Variants in CHERP observed in about 807,000 individuals in gnomAD.
CHERP encodes the protein calcium homeostasis endoplasmic reticulum protein.
A neutral mutation model predicts 113.8 loss-of-function variants in CHERP; 8 were observed. The ratio of observed to expected loss-of-function variants is 0.07; its 90% CI spans 0.04 to 0.13. The LOEUF is 0.13. CHERP is among the 10% of genes least tolerant of loss of function. The pLI is 1.00. For missense variants in CHERP, 884 were observed against 1,298.2 expected (o/e 0.68, Z 4.90); for synonymous variants, 559 against 524.5 (o/e 1.07, Z -0.90).
chr19:16,522,502 G>A (rs1464667585), intron 11 of CHERP, among the ~76,000 whole-genome samples: 6 of 152,044 alleles, frequency 3.9e-5, no homozygotes, highest in African/African-American at 1.4e-4. Flanking sequence ...CTCGTGATCC[G>A]CCCGCCTCGG....
At chr19:16,540,517 TG>T (rs1299907320) in intron 2 of CHERP, among the ~76,000 whole-genome samples, 1 of 148,146 alleles carries the variant, frequency 6.8e-6, no homozygotes, top group African/African-American at 2.5e-5. Context: ...GGACTACAGG[TG>T]TGTGCCACCA....
chr19:16,539,037 T>G (rs1027396182), intron 2 of CHERP, among the ~76,000 whole-genome samples: 4 of 151,748 alleles, frequency 2.6e-5, no homozygotes, highest in African/African-American at 9.7e-5. Flanking sequence ...CAGGCCTCAC[T>G]GCTCCCCAGG....
In CHERP at chr19:16,523,408, C is replaced by A. The variant is rs2085635089; in HGVS notation, c.1742-118G>T. ...AGACGAACCCCTCCTGGGAGCCTGT[C>A]CAGCATCTTCTCTCACTGCTTAAGA... On this transcript the variant is annotated intron_variant, in intron 10 of 16. Transcript: ENST00000546361. This position sits in a 1 kb window ranked among gnomAD's most constrained non-coding sequence, Gnocchi z 4.0. The A allele has an allele frequency of 1.7e-6, 2 of 1,187,050 alleles. No homozygotes were observed. The highest frequency in any genetic ancestry group is 2.5e-5 in the Admixed American group (1 of 39,502). 73.5% of individuals were successfully genotyped at this position (1,187,050 alleles called of 1,614,324 possible).
rs1377088456 is a variant in CHERP, at chr19:16,528,167, C to T, written c.1218G>A (p.Arg406=). The T allele has an allele frequency of 1.2e-6, 2 of 1,613,116 alleles. No homozygotes were observed. The highest frequency in any genetic ancestry group is 1.7e-6 in the Non-Finnish European group (2 of 1,179,766). ...GGATCTGGTCGTGTGGCCCGGGGCC[C>T]CGGGGGCCGGCAGCTGCAGGATCCT... ...GVQDPAAAGP[R]GPGPHDQIPP... The change falls in exon 9 of 17, where the codon CGG becomes CGA. Residue 406 remains arginine (R), a synonymous_variant. Transcript: ENST00000546361.
At chr19:16,541,544 G>C (rs1008948893) in intron 2 of CHERP, 7 of 253,788 alleles carry the variant, frequency 2.8e-5, no homozygotes, top group Non-Finnish European at 4.5e-5. Flanking sequence ...ACTCCCATCC[G>C]GCCTCTATCA....
At chr19:16,522,600 G>A (rs527340876) in intron 11 of CHERP, among the ~76,000 whole-genome samples, 4 of 151,950 alleles carry the variant, frequency 2.6e-5, no homozygotes, top group African/African-American at 7.3e-5. Flanking sequence ...CCTATGCTCC[G>A]GCCATCCCAC....
chr19:16,523,166 C>G lies in CHERP; in HGVS notation c.1866G>C (p.Gln622His). 1 of 1,567,772 alleles carries G rather than the reference C, an allele frequency of 6.4e-7. No homozygotes were observed. Among genetic ancestry groups the G allele is most frequent in the East Asian group, 2.4e-5 (1 of 41,778 alleles). ...GGCCCTGTCGCCGCATGTGTGGGGG[C>G]TGCCCGTTGAAGCCATGGGGGGGAG... ...FGPPPHGFNGQPPHMRRQGPP... is the reference protein window; with the variant it reads ...FGPPPHGFNGHPPHMRRQGPP... Residue 622 changes from glutamine to histidine, a missense_variant, in exon 11 of 17, where the codon CAG (glutamine) becomes CAC (histidine). Physicochemically the swap from Gln to His is conservative, Grantham distance 24. Coordinates refer to ENST00000546361, the MANE Select transcript of CHERP (RefSeq NM_006387.6). This position sits in a 1 kb window ranked among gnomAD's most constrained non-coding sequence, Gnocchi z 4.0.
At chr19:16,539,069 A>G (rs2085759546) in intron 2 of CHERP, among the ~76,000 whole-genome samples, 1 of 150,662 alleles carries the variant, frequency 6.6e-6, no homozygotes, top group South Asian at 2.1e-4. Context: ...AGCTTGTCCT[A>G]CACCACCGGC....
In CHERP at chr19:16,530,690, G is replaced by A. The variant is rs45537744; in HGVS notation, c.787-16C>T. 2 of 1,613,882 alleles carry A rather than the reference G, an allele frequency of 1.2e-6. No individual in the cohort carries two copies. The highest frequency in any genetic ancestry group is 1.7e-6 in the Non-Finnish European group (2 of 1,179,934). On this transcript the variant is annotated splice_polypyrimidine_tract_variant and intron_variant, in intron 6 of 16. Transcript: ENST00000546361. This position sits in a 1 kb window ranked among gnomAD's most constrained non-coding sequence, Gnocchi z 4.1. ...GCTGCAGGAGCTGGCGGTGGGAGGA[G>A]AGAGAGGCCGGGTCAGTGGGGAGGG...
intron 2 of CHERP, among the ~76,000 whole-genome samples, chr19:16,537,813 G>C (rs2085751622): frequency 6.6e-6 from 1 of 152,126 alleles, no homozygotes; most frequent in African/African-American, 2.4e-5. Context: ...GTGGTCCCTG[G>C]GCTACCCAGC....
In CHERP at chr19:16,535,188, G is replaced by C. The variant is rs1006569799; in HGVS notation, c.384+264C>G. 3.9e-5 allele frequency among the ~76,000 whole-genome samples: 6 copies of C among 152,244 alleles called. No individual in the cohort carries two copies. Among genetic ancestry groups the C allele is most frequent in the Non-Finnish European group, 7.3e-5 (5 of 68,030 alleles). On this transcript the variant is annotated intron_variant, in intron 3 of 16. Transcript: ENST00000546361. The surrounding 1 kb of genome is among the most constrained non-coding windows in gnomAD (Gnocchi z 4.3). Reference sequence around the variant, plus strand: ...CACAGCCATTAGGGAGCTTCAAGGTGCATACGTGCCCCACAGTCCCACTCA... The same window carrying C: ...CACAGCCATTAGGGAGCTTCAAGGTCCATACGTGCCCCACAGTCCCACTCA...
At chr19:16,531,102 C>T (rs941983309) in intron 5 of CHERP, among the ~76,000 whole-genome samples, 5 of 152,168 alleles carry the variant, frequency 3.3e-5, no homozygotes, top group African/African-American at 1.2e-4. Flanking sequence ...GAGAACGTGG[C>T]CTGGGGCCGT....
chr19:16,532,360 G>C lies in CHERP; in HGVS notation c.674+238C>G, dbSNP rs2085711600. On this transcript the variant is annotated intron_variant, in intron 5 of 16. Coordinates refer to ENST00000546361, the MANE Select transcript of CHERP (RefSeq NM_006387.6). The surrounding 1 kb of genome is among the most constrained non-coding windows in gnomAD (Gnocchi z 4.4). The stretch of plus-strand genomic sequence containing the variant: ...AGACAGCAATGTGACAGGTGAGGCC[G>C]GGGTCTAGGGGAGAGGACAGGGCAT... The C allele has an allele frequency of 4.1e-6, 2 of 482,906 alleles. No individual in the cohort carries two copies. Among genetic ancestry groups the C allele is most frequent in the East Asian group, 6.7e-5 (2 of 29,852 alleles). The allele number at this position is 482,906 out of a possible 1,614,324, so 29.9% of individuals were successfully genotyped here.
At position 16,530,944 on chromosome 19, in the gene CHERP, C is replaced by T; in HGVS notation, c.675-64G>A. 8 of 1,580,880 alleles carry T rather than the reference C, an allele frequency of 5.1e-6. No individual in the cohort carries two copies. Among genetic ancestry groups the T allele is most frequent in the Non-Finnish European group, 6.0e-6 (7 of 1,166,566 alleles). ...GCGGGACCCGGCCACGCGCCCGTTA[C>T]CATCGCGGCTCCAGCCTCAGCGCCC... On this transcript the variant is annotated intron_variant, in intron 5 of 16. Transcript: ENST00000546361. The surrounding 1 kb of genome is among the most constrained non-coding windows in gnomAD (Gnocchi z 4.1).
intron 2 of CHERP, among the ~76,000 whole-genome samples, chr19:16,537,002 A>T (rs2085745445): frequency 6.6e-6 from 1 of 151,928 alleles, no homozygotes; most frequent in African/African-American, 2.4e-5. Flanking sequence ...ACAGAGTGAG[A>T]CTCCATCTCA....
intron 11 of CHERP, 51 bp from the exon 12 acceptor site, chr19:16,521,705 G>A (rs747075242): frequency 2.7e-6 from 4 of 1,494,976 alleles, no homozygotes; most frequent in Non-Finnish European, 3.6e-6. Context: ...GCCCTCTCAG[G>A]CCCACCCAGG....
chr19:16,529,051 G>C (rs968840426), intron 8 of CHERP, among the ~76,000 whole-genome samples: 4 of 152,328 alleles, frequency 2.6e-5, no homozygotes, highest in Non-Finnish European at 5.9e-5. Context: ...TGTATTTTCT[G>C]AGACAGGGTC....
Position 16,535,709 on chromosome 19 carries a change from A to G in CHERP, c.200-73T>C, listed in dbSNP as rs1040821356. ...CTAGGTGTCCCCTTGGCCACCTCTC[A>G]GCCACAGGGGCCTCCCCCTCCCCAG... On this transcript the variant is annotated intron_variant, in intron 2 of 16. Transcript: ENST00000546361. The surrounding 1 kb of genome is among the most constrained non-coding windows in gnomAD (Gnocchi z 4.3). 7.3e-7 allele frequency: 1 copy of G among 1,367,294 alleles called. No individual in the cohort carries two copies. Among genetic ancestry groups the G allele is most frequent in the Non-Finnish European group, 9.7e-7 (1 of 1,034,598 alleles). 84.7% of individuals were successfully genotyped at this position (1,367,294 alleles called of 1,614,324 possible).
intron 2 of CHERP, among the ~76,000 whole-genome samples, chr19:16,537,648 C>T (rs536218863): frequency 2.3e-4 from 35 of 152,256 alleles, no homozygotes; most frequent in African/African-American, 7.5e-4. Flanking sequence ...AGTGTCAAGG[C>T]GGCCTCCGAG....
Sources: allele counts gnomAD v4.1 joint callset (sites outside exome capture counted in the v4.1 genomes callset), GRCh38; gene constraint gnomAD v4.1.1; non-coding constraint Gnocchi (gnomAD v3.1); transcripts MANE v1.5; gene names NCBI Gene and HGNC (gene_info 2026-07-23, HGNC 2026-07-21).